The following STAG2 variants were observed in gnomAD, a reference collection of about 807,000 sequenced individuals.
STAG2 encodes the protein cohesin subunit SA-2.
Under a neutral mutation model 108.1 loss-of-function variants are expected in STAG2, and 14 were observed. The ratio of observed to expected loss-of-function variants is 0.13; its 90% CI spans 0.09 to 0.20. STAG2 has a LOEUF of 0.20. Ranked by LOEUF, STAG2 falls within the 10% of genes least tolerant of loss-of-function variation. STAG2 has a pLI of 1.00. For missense variants in STAG2, 440 were observed against 940.9 expected (o/e 0.47, Z 6.96); for synonymous variants, 307 against 302.7 (o/e 1.01, Z -0.15).
intron 4 of STAG2, among the ~76,000 whole-genome samples, chrX:124,029,678 G>T (rs1211929035): frequency 8.9e-6 from 1 of 112,312 alleles, no homozygotes; most frequent in Non-Finnish European, 1.9e-5. Flanking sequence ...GGCCCACAAA[G>T]CCTAACATAT....
chrX:124,024,453 G>A lies in STAG2; in HGVS notation c.45-1387G>A, dbSNP rs527826543. ...TCTTCTTAAGATGTAACACACATGA[G>A]CTTCAGGGTTAATATTATAGTAGTC... is the stretch of plus-strand genomic sequence containing the variant. On this transcript the variant is annotated intron_variant, in intron 3 of 34. Transcript: ENST00000371145. Among the ~76,000 whole-genome samples the A allele has an allele frequency of 4.5e-5, 5 of 110,510 alleles. No homozygotes were observed. In the East Asian group the frequency reaches 1.4e-3, roughly 31 times the overall value.
At chrX:124,072,256 C>T (rs750233069) in intron 25 of STAG2, among the ~76,000 whole-genome samples, 8 of 111,377 alleles carry the variant, frequency 7.2e-5, no homozygotes, top group African/African-American at 2.6e-4. Context: ...CTTCTTGCCT[C>T]GGCCTCCCAA....
chrX:123,984,226 C>T (rs188723409), intron 1 of STAG2, among the ~76,000 whole-genome samples: 1 of 110,026 alleles, frequency 9.1e-6, no homozygotes, highest in African/African-American at 3.3e-5. Flanking sequence ...GATTCGCTGG[C>T]CTCAGCCTCC....
At chrX:124,023,700 A>G (rs1039753011) in intron 3 of STAG2, among the ~76,000 whole-genome samples, 11 of 112,156 alleles carry the variant, frequency 9.8e-5, no homozygotes, top group Admixed American at 5.7e-4. Context: ...TTTTAAAGAT[A>G]TAAAGAGAAG....
intron 34 of STAG2, among the ~76,000 whole-genome samples, chrX:124,097,870 G>T (rs184843877): frequency 3.3e-3 from 363 of 110,528 alleles, no homozygotes; most frequent in Non-Finnish European, 4.8e-3. Context: ...TCCCCATTTG[G>T]ATGAGAACAC....
At chrX:123,975,566 C>T (rs2054581613) in intron 1 of STAG2, among the ~76,000 whole-genome samples, 1 of 111,845 alleles carries the variant, frequency 8.9e-6, no homozygotes, top group Admixed American at 9.5e-5. Context: ...TGGGTTCAAG[C>T]GATTCTCCTG....
intron 28 of STAG2, among the ~76,000 whole-genome samples, 182 bp downstream of exon 28, chrX:124,081,710 A>C (rs2058966033): frequency 8.9e-6 from 1 of 112,573 alleles, no homozygotes; most frequent in Non-Finnish European, 1.9e-5. Flanking sequence ...TCAATTAACA[A>C]ATGAGTTGGG....
At chrX:123,966,328 G>A (rs1269397696) in intron 1 of STAG2, among the ~76,000 whole-genome samples, 1 of 109,892 alleles carries the variant, frequency 9.1e-6, no homozygotes. Context: ...TGGACGTGGT[G>A]GTGCGCGTCT....
intron 17 of STAG2, 141 bp from the exon 18 acceptor site, chrX:124,062,761 G>A (rs931258889): frequency 2.3e-6 from 1 of 433,919 alleles, no homozygotes. Context: ...TCACTTTTAG[G>A]GTTAATGTTT....
chrX:124,061,742 ACTT>A, intron 16 of STAG2, 26 bp from the exon 17 acceptor site: 1 of 693,942 alleles, frequency 1.4e-6, no homozygotes, highest in Non-Finnish European at 1.9e-6. Context: ...ACTCTTTCTG[ACTT>A]TTTTTTTTTT....
intron 8 of STAG2, 48 bp from the exon 9 acceptor site, chrX:124,047,306 T>C (rs753544912): frequency 5.7e-6 from 6 of 1,058,819 alleles, no homozygotes; most frequent in Non-Finnish European, 6.2e-6. Context: ...TTGTAAATTT[T>C]TGTGTCTGTT....
intron 1 of STAG2, among the ~76,000 whole-genome samples, chrX:123,973,846 A>G (rs1274772542): frequency 9.5e-6 from 1 of 105,190 alleles, no homozygotes; most frequent in Non-Finnish European, 1.9e-5. Flanking sequence ...CTCCCTCTCA[A>G]AAAAAAAAAA....
rs2059516368 is a variant in STAG2, at chrX:124,102,180, T to C, written c.*1583T>C. 1 of 158,394 alleles carries C rather than the reference T, an allele frequency of 6.3e-6. No homozygotes were observed. Among genetic ancestry groups the C allele is most frequent in the Non-Finnish European group, 1.2e-5 (1 of 81,127 alleles). The allele number at this position is 158,394 out of a possible 1,213,427, so 13.1% of individuals were successfully genotyped here. ...TTAATAACAAATGAATCCAGACTTG[T>C]CTAACAGATTTTCCATCAACAAATA... On this transcript the variant is annotated 3_prime_UTR_variant, in exon 35 of 35. Coordinates refer to ENST00000371145, the MANE Select transcript of STAG2 (RefSeq NM_001042750.2).
intron 7 of STAG2, among the ~76,000 whole-genome samples, chrX:124,043,894 A>G (rs1184855891): frequency 9.0e-6 from 1 of 111,498 alleles, no homozygotes; most frequent in African/African-American, 3.3e-5. Context: ...TCTTCAAGGA[A>G]GGGATTTGGG....
chrX:124,072,188 A>G (rs1392778992), intron 25 of STAG2, among the ~76,000 whole-genome samples: 1 of 110,777 alleles, frequency 9.0e-6, no homozygotes, highest in Admixed American at 9.6e-5. Context: ...AATTTTTTGT[A>G]GACATGGGGT....
intron 28 of STAG2, among the ~76,000 whole-genome samples, chrX:124,082,441 T>C (rs1336450631): frequency 8.9e-6 from 1 of 112,207 alleles, no homozygotes; most frequent in African/African-American, 3.2e-5. Flanking sequence ...GCTTTTAGAT[T>C]CTCGGACTCT....
intron 1 of STAG2, among the ~76,000 whole-genome samples, chrX:124,012,617 G>A (rs990336743): frequency 9.0e-6 from 1 of 111,579 alleles, no homozygotes; most frequent in East Asian, 2.8e-4. Context: ...AATAAGGTCA[G>A]CTAATCAGAA....
At chrX:124,093,482 T>TC (rs1159387149) in intron 32 of STAG2, among the ~76,000 whole-genome samples, 7 of 107,929 alleles carry the variant, frequency 6.5e-5, no homozygotes, top group African/African-American at 2.4e-4. Context: ...CTTTTTTTTT[T>TC]TTTTTTTTTT....
chrX:124,052,158 TA>T (rs1242586077), intron 13 of STAG2, among the ~76,000 whole-genome samples: 3 of 112,196 alleles, frequency 2.7e-5, no homozygotes, highest in African/African-American at 6.5e-5. Context: ...TTTTCCTTTT[TA>T]AAAAATGGTA....
Sources: gnomAD v4.1 joint callset for allele counts (sites outside exome capture counted in the v4.1 genomes callset) on GRCh38, gnomAD v4.1.1 for gene constraint, MANE v1.5 for transcripts, NCBI Gene and HGNC (gene_info 2026-07-23, HGNC 2026-07-21) for gene names.